Variants in ABCA12 observed in about 807,000 individuals in gnomAD.
ABCA12 encodes the protein ATP binding cassette subfamily A member 12, also known as glucosylceramide transporter ABCA12.
A neutral mutation model predicts 293.5 loss-of-function variants in ABCA12; 156 were observed. The ratio of observed to expected loss-of-function variants is 0.53; its 90% CI spans 0.47 to 0.61. ABCA12 has a LOEUF of 0.61. ABCA12 is among the 20% of genes least tolerant of loss of function. The pLI is 0.00. For synonymous variants in ABCA12, 1,063 were observed against 1,108.0 expected (o/e 0.96, Z 0.81); for missense variants, 2,797 against 3,090.2 (o/e 0.91, Z 2.25).
intron 2 of ABCA12, among the ~76,000 whole-genome samples, chr2:215,086,763 A>G (rs1228468884): frequency 2.0e-5 from 3 of 152,136 alleles, no homozygotes; most frequent in African/African-American, 7.2e-5. Context: ...GCAGAGCTTC[A>G]TGAGCAGGTT....
At chr2:215,124,838 A>T (rs1259592401) in intron 1 of ABCA12, among the ~76,000 whole-genome samples, 1 of 151,950 alleles carries the variant, frequency 6.6e-6, no homozygotes, top group Non-Finnish European at 1.5e-5. Flanking sequence ...CTTTGTTTTT[A>T]TTGCATTTGC....
chr2:215,002,541 C>G (rs1315423242), intron 20 of ABCA12, among the ~76,000 whole-genome samples: 1 of 152,192 alleles, frequency 6.6e-6, no homozygotes, highest in Non-Finnish European at 1.5e-5. Context: ...ATAAATCCCT[C>G]CTTCACAGAA....
Position 214,990,898 on chromosome 2 carries a change from T to C in ABCA12, c.3428A>G (p.Asn1143Ser). 6 of 1,614,012 alleles carry C rather than the reference T, an allele frequency of 3.7e-6. No individual in the cohort carries two copies. The highest frequency in any genetic ancestry group is 5.1e-6 in the Non-Finnish European group (6 of 1,179,984). Residue 1143 changes from asparagine to serine, a missense_variant, in exon 24 of 53, where the codon AAT becomes AGT. Transcript: ENST00000272895. ...LKFGNILPKT[N>S]GFILFLYFSD... ...AAAATACAGGAACAAAATGAACCCATTTGTTTTAGGAAGAATATTGCCAAA... is the reference window on the plus strand; with the variant it reads ...AAAATACAGGAACAAAATGAACCCACTTGTTTTAGGAAGAATATTGCCAAA...
At chr2:215,051,648 G>GTGTGTGTGTGT (rs1701323449) in intron 5 of ABCA12, among the ~76,000 whole-genome samples, 3 of 149,202 alleles carry the variant, frequency 2.0e-5, no homozygotes, top group East Asian at 2.0e-4. Flanking sequence ...GTGTGTGTGT[G>GTGTGTGTGTGT]AAGGTGATGG....
chr2:215,026,088 C>G (rs4673932), intron 10 of ABCA12, among the ~76,000 whole-genome samples: 151,837 of 152,328 alleles, frequency 1, 75,677 homozygotes, highest in East Asian at 1. Flanking sequence ...GTTGAAGTAT[C>G]TTGGAAAGAA....
intron 4 of ABCA12, 21 bp from the exon 5 acceptor site, chr2:215,052,605 G>T: frequency 6.3e-7 from 1 of 1,583,324 alleles, no homozygotes. Context: ...AGAAGGAACA[G>T]ATTAGCATTC....
chr2:214,955,909 G>T (rs367690645), intron 42 of ABCA12, among the ~76,000 whole-genome samples: 1 of 152,002 alleles, frequency 6.6e-6, no homozygotes, highest in Non-Finnish European at 1.5e-5. Flanking sequence ...GTATTATCCC[G>T]CCTAGGCAAG....
chr2:214,990,967 C>T lies in ABCA12; in HGVS notation c.3359G>A (p.Gly1120Glu). Residue 1120 changes from glycine (G) to glutamate (E), a missense_variant, in exon 24 of 53, where the codon GGA (glycine) becomes GAA (glutamate). By Grantham distance (98) the Gly-to-Glu change is moderately conservative. Transcript: ENST00000272895. The stretch of plus-strand genomic sequence containing the variant: ...GATCACGATGGTAACCAGTAAAAAT[C>T]CAACACTCTCTATAAGCCAGGCAAA... ...HFFAWLIESV[G>E]FLLVTIVILI... is the part of the protein sequence containing the mutation. 6.2e-7 allele frequency: 1 copy of T among 1,614,012 alleles called. No individual in the cohort carries two copies. Among genetic ancestry groups the T allele is most frequent in the Non-Finnish European group, 8.5e-7 (1 of 1,179,970 alleles).
intron 44 of ABCA12, among the ~76,000 whole-genome samples, chr2:214,952,351 G>T (rs958246336): frequency 3.9e-5 from 6 of 151,902 alleles, no homozygotes; most frequent in African/African-American, 7.3e-5. Context: ...CTCCCGAGTA[G>T]CTGGGATTAC....
chr2:215,011,305 G>A, intron 17 of ABCA12, 134 bp downstream of exon 17: 4 of 709,300 alleles, frequency 5.6e-6, no homozygotes, highest in Non-Finnish European at 9.6e-6. Context: ...TGTGGTAAGT[G>A]CTGTATAATT....
At chr2:214,970,520 A>G in intron 36 of ABCA12, 120 bp from the exon 37 acceptor site, 1 of 1,136,570 alleles carries the variant, frequency 8.8e-7, no homozygotes, top group South Asian at 1.4e-5. Context: ...GAGTGTGATA[A>G]GACTGTCCTT....
In ABCA12 at chr2:214,954,008, C is replaced by T; in HGVS notation, c.6493G>A (p.Val2165Ile). Residue 2165 changes from valine (V) to isoleucine (I), a missense_variant, in exon 44 of 53, where the codon GTC becomes ATC. Val to Ile is a conservative substitution (Grantham distance 29). Coordinates refer to ENST00000272895, the MANE Select transcript of ABCA12 (RefSeq NM_173076.3). ...CCATATGCTTTTAAGAAGTCTAGGA[C>T]CGACTGTTGTTGAGAAAGTTCAATC... is the stretch of plus-strand genomic sequence containing the variant. ...GLIELSQQQSVLDFLKAYGVE... is the reference protein window; with the variant it reads ...GLIELSQQQSILDFLKAYGVE... The T allele has an allele frequency of 1.2e-6, 2 of 1,614,024 alleles. No homozygotes were observed. The highest frequency in any genetic ancestry group is 1.7e-6 in the Non-Finnish European group (2 of 1,179,980).
chr2:214,993,806 G>C (rs112829250), intron 23 of ABCA12, among the ~76,000 whole-genome samples: 24 of 152,266 alleles, frequency 1.6e-4, no homozygotes, highest in African/African-American at 5.1e-4. Flanking sequence ...ACAATTGATA[G>C]CTTTCTAGAA....
At position 215,004,217 on chromosome 2, in the gene ABCA12, T is replaced by C. The variant is rs1238920542; in HGVS notation, c.2675A>G (p.Asp892Gly). The C allele has an allele frequency of 6.2e-7, 1 of 1,613,600 alleles. No homozygotes were observed. The highest frequency in any genetic ancestry group is 8.5e-7 in the Non-Finnish European group (1 of 1,179,760). Residue 892 changes from aspartate (D) to glycine (G), a missense_variant, in exon 20 of 53, where the codon GAT becomes GGT. This residue lies in a region of ABCA12 where 2,130 missense variants were observed against 2,427.0 expected (regional missense o/e 0.88). Transcript: ENST00000272895. Reference protein sequence around the residue: ...LDAVELLKQIDELDILRLKLE... With the variant: ...LDAVELLKQIGELDILRLKLE... ...TGTGAATTTGGACTCACCGAGTTCATCTATCTGTTTCAATAGTTCAACAGC... is the reference window on the plus strand; with the variant it reads ...TGTGAATTTGGACTCACCGAGTTCACCTATCTGTTTCAATAGTTCAACAGC...
intron 50 of ABCA12, among the ~76,000 whole-genome samples, chr2:214,940,179 G>A (rs894745323): frequency 2.6e-5 from 4 of 152,144 alleles, no homozygotes; most frequent in Non-Finnish European, 5.9e-5. Flanking sequence ...ATGAAGGGGT[G>A]TTGAATTTTA....
At chr2:214,952,636 A>C (rs1191366495) in intron 44 of ABCA12, among the ~76,000 whole-genome samples, 5 of 152,004 alleles carry the variant, frequency 3.3e-5, no homozygotes, top group African/African-American at 1.2e-4. Context: ...TCCAATCTGC[A>C]CTCCATCTAC....
chr2:214,948,643 A>T lies in ABCA12; in HGVS notation c.7057T>A (p.Tyr2353Asn). 6.2e-7 allele frequency: 1 copy of T among 1,614,124 alleles called. No homozygotes were observed. The highest frequency in any genetic ancestry group is 2.2e-5 in the East Asian group (1 of 44,860). ...DDLVTVEEHLYFYARVHGIPE... is the reference protein window; with the variant it reads ...DDLVTVEEHLNFYARVHGIPE... Reference sequence around the variant, plus strand: ...ATTCCATGTACCCTGGCATAGAAATACAAATGTTCTTCCACAGTTACCAGG... The same window carrying T: ...ATTCCATGTACCCTGGCATAGAAATTCAAATGTTCTTCCACAGTTACCAGG... Residue 2353 changes from tyrosine (Y) to asparagine (N), a missense_variant, in exon 47 of 53, where the codon TAT becomes AAT. By Grantham distance (143) the Tyr-to-Asn change is moderately radical. Transcript: ENST00000272895.
At chr2:215,017,968 T>G in intron 14 of ABCA12, 40 bp downstream of exon 14, 1 of 1,613,636 alleles carries the variant, frequency 6.2e-7, no homozygotes, top group South Asian at 1.1e-5. Context: ...TATTTAAATT[T>G]CTAAGAACTG....
chr2:215,051,268 C>A (rs1452845922), intron 5 of ABCA12, among the ~76,000 whole-genome samples: 1 of 152,030 alleles, frequency 6.6e-6, no homozygotes, highest in African/African-American at 2.4e-5. Flanking sequence ...CTATGCCAGA[C>A]AAAAAACATT....
Sources: allele counts gnomAD v4.1 joint callset (sites outside exome capture counted in the v4.1 genomes callset), GRCh38; gene constraint gnomAD v4.1.1; regional missense constraint gnomAD v4.1.1; transcripts MANE v1.5; gene names NCBI Gene and HGNC (gene_info 2026-07-23, HGNC 2026-07-21).